RERE: variants seen among roughly 807,000 people sequenced by gnomAD.
RERE encodes the protein arginine-glutamic acid dipeptide repeats, also known as arginine-glutamic acid dipeptide repeats protein.
RERE carries 40 observed loss-of-function variants against 146.1 expected under a neutral mutation model. The observed-to-expected ratio is 0.27, with a 90% CI of 0.21 to 0.36. RERE has a LOEUF of 0.36. RERE is among the 10% of genes least tolerant of loss of function. The pLI, the probability that RERE is intolerant of heterozygous loss-of-function variation, is 1.00. For missense variants in RERE, 1,933 were observed against 2,138.7 expected (o/e 0.90, Z 1.90); for synonymous variants, 1,003 against 866.0 (o/e 1.16, Z -2.78).
intron 11 of RERE, among the ~76,000 whole-genome samples, chr1:8,456,119 T>C (rs779859778): frequency 2.6e-5 from 4 of 152,078 alleles, no homozygotes; most frequent in Admixed American, 6.5e-5. Flanking sequence ...CAAACAGCAG[T>C]ATTAGAGGGA....
Position 8,356,125 on chromosome 1 carries a change from G to A in RERE, c.4461C>T (p.His1487=), listed in dbSNP as rs753534938. The A allele has an allele frequency of 8.6e-6, 13 of 1,507,630 alleles. No homozygotes were observed. The highest frequency in any genetic ancestry group is 8.1e-5 in the East Asian group (3 of 37,210). 93.4% of individuals were successfully genotyped at this position (1,507,630 alleles called of 1,614,324 possible). The stretch of plus-strand genomic sequence containing the variant: ...CGAAAACTGGGTGGCGAAGCATCTC[G>A]TGCTCGTGTGGGGGCTGTCCAAGCA... ...NPLLGQPPHE[H]EMLRHPVFGT... is the part of the protein sequence containing the mutation. The change falls in exon 21 of 23, where the codon CAC becomes CAT. Residue 1487 remains histidine (H), a synonymous_variant. Transcript: ENST00000400908. This position sits in a 1 kb window ranked among gnomAD's most constrained non-coding sequence, Gnocchi z 5.2.
rs1219165083 is a variant in RERE, at chr1:8,356,374, C to T, written c.4340-128G>A. On this transcript the variant is annotated intron_variant, in intron 20 of 22. Transcript: ENST00000400908. This position sits in a 1 kb window ranked among gnomAD's most constrained non-coding sequence, Gnocchi z 5.2. ...TCCTGGTCACCAGGGCTGGATGCAC[C>T]ACCTGGCTACAGGTGGCCCTGCCCC... The T allele has an allele frequency of 8.2e-6, 9 of 1,101,664 alleles. No homozygotes were observed. Among genetic ancestry groups the T allele is most frequent in the Non-Finnish European group, 1.1e-5 (9 of 828,784 alleles). The allele number at this position is 1,101,664 out of a possible 1,614,324, so 68.2% of individuals were successfully genotyped here.
chr1:8,728,217 G>A (rs759584778), intron 1 of RERE, among the ~76,000 whole-genome samples: 4 of 152,196 alleles, frequency 2.6e-5, no homozygotes, highest in Admixed American at 6.5e-5. Flanking sequence ...TACTGAGCAC[G>A]CATGCAATAA....
At chr1:8,597,090 ATTTTT>A (rs34498274) in intron 4 of RERE, among the ~76,000 whole-genome samples, 8 of 144,326 alleles carry the variant, frequency 5.5e-5, no homozygotes, top group African/African-American at 2.0e-4. Context: ...ACTGATGCTG[ATTTTT>A]TTTTTTTTTT....
intron 3 of RERE, among the ~76,000 whole-genome samples, chr1:8,621,194 A>T (rs1348955304): frequency 6.6e-6 from 1 of 152,172 alleles, no homozygotes; most frequent in Non-Finnish European, 1.5e-5. Context: ...CTGGCAGGAC[A>T]ACAGACAGGG....
intron 11 of RERE, among the ~76,000 whole-genome samples, chr1:8,428,091 G>A (rs1367953568): frequency 6.6e-6 from 1 of 152,144 alleles, no homozygotes. Context: ...TTATTTCTGT[G>A]TCCATTAGTT....
At chr1:8,527,153 G>A (rs1645579924) in intron 7 of RERE, among the ~76,000 whole-genome samples, 1 of 152,100 alleles carries the variant, frequency 6.6e-6, no homozygotes, top group Admixed American at 6.5e-5. Flanking sequence ...CTGAAACTAT[G>A]ATTCAATAAA....
At chr1:8,648,902 T>G (rs1434709084) in intron 2 of RERE, among the ~76,000 whole-genome samples, 2 of 151,072 alleles carry the variant, frequency 1.3e-5, no homozygotes, top group Non-Finnish European at 2.9e-5. Context: ...GTTAAAAAAT[T>G]AATACATACT....
chr1:8,412,691 C>T (rs185150941), intron 12 of RERE, among the ~76,000 whole-genome samples: 42 of 152,272 alleles, frequency 2.8e-4, no homozygotes, highest in African/African-American at 6.5e-4. Flanking sequence ...AACACAGAAC[C>T]GCTGCGCAAA....
intron 10 of RERE, among the ~76,000 whole-genome samples, chr1:8,478,792 T>A (rs1381275828): frequency 6.6e-6 from 1 of 152,198 alleles, no homozygotes; most frequent in Admixed American, 6.5e-5. Flanking sequence ...GGGTCACTAA[T>A]GAGCAACACC....
intron 10 of RERE, among the ~76,000 whole-genome samples, chr1:8,494,655 G>C (rs191302692): frequency 2.6e-5 from 4 of 152,134 alleles, no homozygotes; most frequent in Non-Finnish European, 4.4e-5. Context: ...GCCGGGAAGC[G>C]GAGCTTGCAG....
intron 1 of RERE, among the ~76,000 whole-genome samples, chr1:8,708,912 T>G (rs1289041063): frequency 3.8e-5 from 5 of 132,488 alleles, no homozygotes; most frequent in East Asian, 4.2e-4. Flanking sequence ...GGAGTTTTTT[T>G]TTTTTTTTTT....
At chr1:8,359,098 C>T (rs555596778) in intron 19 of RERE, among the ~76,000 whole-genome samples, 182 bp from the exon 20 acceptor site, 6 of 152,286 alleles carry the variant, frequency 3.9e-5, no homozygotes, top group East Asian at 3.9e-4. Context: ...CCCACAGGGT[C>T]GGGCTCACCT....
At chr1:8,634,991 T>A (rs1647079753) in intron 2 of RERE, among the ~76,000 whole-genome samples, 1 of 152,200 alleles carries the variant, frequency 6.6e-6, no homozygotes, top group African/African-American at 2.4e-5. Flanking sequence ...TGCCTCAGCC[T>A]CTCAAAGTGC....
At chr1:8,540,671 A>T (rs148055393) in intron 7 of RERE, among the ~76,000 whole-genome samples, 20 of 152,362 alleles carry the variant, frequency 1.3e-4, no homozygotes, top group African/African-American at 4.8e-4. Context: ...TTAAAAAAAT[A>T]GTAATTCAAA....
At chr1:8,788,230 C>T (rs1641293963) in intron 1 of RERE, among the ~76,000 whole-genome samples, 2 of 151,646 alleles carry the variant, frequency 1.3e-5, no homozygotes, top group Admixed American at 6.6e-5. Flanking sequence ...AAGGAATATA[C>T]ATGTGAAAAA....
intron 11 of RERE, among the ~76,000 whole-genome samples, chr1:8,455,750 A>T (rs1644446562): frequency 6.6e-6 from 1 of 152,172 alleles, no homozygotes; most frequent in Non-Finnish European, 1.5e-5. Flanking sequence ...GGTTCTGTGA[A>T]TACAAAAAGA....
Position 8,361,306 on chromosome 1 carries a change from A to C in RERE, c.2201T>G (p.Leu734Arg). Residue 734 changes from leucine to arginine, a missense_variant, in exon 18 of 23, where the codon CTG becomes CGG. This residue lies in a region of RERE where 1,255 missense variants were observed against 1,153.8 expected (regional missense o/e 1.09). Coordinates refer to ENST00000400908, the MANE Select transcript of RERE (RefSeq NM_001042681.2). ...CTGCAAGGCTGGGGGCTGGGCCTGCAGCATCTGCTGCTGGGCTGACGAGTC... is the reference window on the plus strand; with the variant it reads ...CTGCAAGGCTGGGGGCTGGGCCTGCCGCATCTGCTGCTGGGCTGACGAGTC... ...DSDSSAQQQM[L>R]QAQPPALQAP... is the part of the protein sequence containing the mutation. 1.9e-6 allele frequency: 3 copies of C among 1,610,078 alleles called. No individual in the cohort carries two copies. The highest frequency in any genetic ancestry group is 2.5e-6 in the Non-Finnish European group (3 of 1,177,970).
intron 7 of RERE, among the ~76,000 whole-genome samples, chr1:8,529,252 T>C (rs1466477341): frequency 2.0e-5 from 3 of 149,470 alleles, no homozygotes; most frequent in Admixed American, 6.7e-5. Flanking sequence ...ACAGAAAATA[T>C]ATCCACCAGC....
Sources: allele counts gnomAD v4.1 joint callset (sites outside exome capture counted in the v4.1 genomes callset), GRCh38; gene constraint gnomAD v4.1.1; regional missense constraint gnomAD v4.1.1; non-coding constraint Gnocchi (gnomAD v3.1); transcripts MANE v1.5; gene names NCBI Gene and HGNC (gene_info 2026-07-23, HGNC 2026-07-21).